Variants in SEC24B observed in about 807,000 individuals in gnomAD.
SEC24B encodes the protein protein transport protein Sec24B.
In SEC24B, 45 loss-of-function variants were observed where a neutral mutation model predicts 142.8. The ratio of observed to expected loss-of-function variants is 0.32; its 90% confidence interval spans 0.25 to 0.40. SEC24B has a LOEUF of 0.40. Ranked by LOEUF, SEC24B falls within the 10% of genes least tolerant of loss-of-function variation. The pLI is 1.00. For synonymous variants in SEC24B, 574 were observed against 568.2 expected (o/e 1.01, Z -0.15); for missense variants, 1,409 against 1,526.8 (o/e 0.92, Z 1.29).
rs773857997 is a variant in SEC24B, at chr4:109,481,721, C to G, written c.1105C>G (p.Pro369Ala). The change falls in exon 4 of 24, where the codon CCA (proline) becomes GCA (alanine). Residue 369 changes from proline to alanine, a missense_variant. By Grantham distance (27) the Pro-to-Ala change is conservative. Around this residue, in one of 2 missense-constraint regions of SEC24B, gnomAD observed 709 missense variants for 673.5 expected, o/e 1.05. Transcript: ENST00000265175. Reference sequence around the variant, plus strand: ...TGTTAATAACCAAGCTAGCTCCGCACCAACTCCCTTGTCATCAACTTCCGA... The same window carrying G: ...TGTTAATAACCAAGCTAGCTCCGCAGCAACTCCCTTGTCATCAACTTCCGA... ...EYVNNQASSA[P>A]TPLSSTSDDE... The G allele has an allele frequency of 1.2e-6, 2 of 1,613,682 alleles. No individual in the cohort carries two copies. The highest frequency in any genetic ancestry group is 1.1e-5 in the South Asian group (1 of 91,052).
chr4:109,474,815 AC>A (rs541033902), intron 3 of SEC24B, among the ~76,000 whole-genome samples: 219 of 152,256 alleles, frequency 1.4e-3, no homozygotes, highest in African/African-American at 5.1e-3. Context: ...TGCCCACTAA[AC>A]AATTGCAATT....
intron 1 of SEC24B, among the ~76,000 whole-genome samples, chr4:109,462,063 G>A (rs1731315208): frequency 6.6e-6 from 1 of 152,258 alleles, no homozygotes; most frequent in East Asian, 1.9e-4. Context: ...GGTCACCATG[G>A]TGCACGCCTG....
intron 4 of SEC24B, among the ~76,000 whole-genome samples, chr4:109,486,446 A>G (rs547194130): frequency 2.0e-5 from 3 of 152,012 alleles, no homozygotes; most frequent in Non-Finnish European, 4.4e-5. Context: ...GCTTTCTGAT[A>G]CTCTTCTCTA....
intron 2 of SEC24B, 152 bp downstream of exon 2, chr4:109,463,796 A>G: frequency 7.9e-7 from 1 of 1,273,262 alleles, no homozygotes; most frequent in Non-Finnish European, 1.1e-6. Flanking sequence ...ACCTCTTTGA[A>G]CCCTTTCTTC....
intron 19 of SEC24B, 87 bp from the exon 20 acceptor site, chr4:109,531,298 T>C: frequency 8.7e-7 from 1 of 1,143,398 alleles, no homozygotes; most frequent in East Asian, 2.4e-5. Flanking sequence ...GGCCATGCTT[T>C]TTCCATGATT....
chr4:109,482,959 T>TACACAC (rs1486200185), intron 4 of SEC24B, among the ~76,000 whole-genome samples: 1 of 53,356 alleles, frequency 1.9e-5, no homozygotes, highest in Admixed American at 1.6e-4. Flanking sequence ...TATATATATA[T>TACACAC]ATATATATAT....
intron 3 of SEC24B, among the ~76,000 whole-genome samples, chr4:109,473,944 A>T (rs1732800974): frequency 6.6e-6 from 1 of 152,182 alleles, no homozygotes; most frequent in Admixed American, 6.5e-5. Context: ...GACTGTACTC[A>T]CTATGTAATG....
At chr4:109,489,761 C>T (rs1012405255) in intron 4 of SEC24B, among the ~76,000 whole-genome samples, 2 of 150,774 alleles carry the variant, frequency 1.3e-5, no homozygotes, top group Non-Finnish European at 3.0e-5. Flanking sequence ...CACATTGTAG[C>T]GTGTATCCAT....
At chr4:109,443,448 C>G (rs1447936773) in intron 1 of SEC24B, among the ~76,000 whole-genome samples, 1 of 152,122 alleles carries the variant, frequency 6.6e-6, no homozygotes, top group Non-Finnish European at 1.5e-5. Context: ...CACTGTGTTG[C>G]CTGGGATGGT....
intron 2 of SEC24B, among the ~76,000 whole-genome samples, chr4:109,467,899 T>C (rs1732121086): frequency 6.6e-6 from 1 of 152,160 alleles, no homozygotes; most frequent in South Asian, 2.1e-4. Flanking sequence ...GTAAAAATAA[T>C]AAGTGTTTAT....
intron 1 of SEC24B, among the ~76,000 whole-genome samples, chr4:109,455,255 CT>C (rs1445581204): frequency 3.7e-4 from 54 of 145,420 alleles, no homozygotes; most frequent in Admixed American, 4.8e-4. Flanking sequence ...ATTTAGGATT[CT>C]TTTTTTTTTT....
intron 22 of SEC24B, among the ~76,000 whole-genome samples, chr4:109,536,821 G>A (rs1316318508): frequency 1.3e-5 from 2 of 151,782 alleles, no homozygotes; most frequent in Non-Finnish European, 2.9e-5. Flanking sequence ...GAGCCACTGC[G>A]CCTGGCCAAA....
intron 6 of SEC24B, among the ~76,000 whole-genome samples, chr4:109,498,063 T>A (rs1303098707): frequency 6.6e-6 from 1 of 152,204 alleles, no homozygotes. Flanking sequence ...GTTCTAAGAA[T>A]GCAAAAGACC....
chr4:109,460,948 C>CG (rs201751389), intron 1 of SEC24B, among the ~76,000 whole-genome samples: 2,499 of 151,914 alleles, frequency 0.016, 49 homozygotes, highest in Non-Finnish European at 0.029. Flanking sequence ...ATTTAAAAAT[C>CG]TGTCAAGCAT....
At chr4:109,524,280 G>A (rs1723979171) in intron 14 of SEC24B, among the ~76,000 whole-genome samples, 1 of 152,040 alleles carries the variant, frequency 6.6e-6, no homozygotes, top group Non-Finnish European at 1.5e-5. Context: ...ATCATACAGT[G>A]TAATTAAGAG....
intron 14 of SEC24B, among the ~76,000 whole-genome samples, chr4:109,522,724 A>C (rs1192842569): frequency 2.0e-5 from 3 of 152,226 alleles, no homozygotes; most frequent in Non-Finnish European, 4.4e-5. Context: ...ACAAACATAC[A>C]AATAAGCATA....
chr4:109,472,518 A>G (rs1168748712), intron 2 of SEC24B, among the ~76,000 whole-genome samples: 1 of 152,202 alleles, frequency 6.6e-6, no homozygotes, highest in Non-Finnish European at 1.5e-5. Context: ...TTTACAGTGC[A>G]AAATGAGATC....
chr4:109,442,513 A>G (rs772370482), intron 1 of SEC24B, among the ~76,000 whole-genome samples: 1 of 152,200 alleles, frequency 6.6e-6, no homozygotes, highest in Non-Finnish European at 1.5e-5. Context: ...CAAAGTTAGT[A>G]TGAATTTATC....
Position 109,506,489 on chromosome 4 carries a change from C to A in SEC24B, c.1650C>A (p.Leu550=). 6.3e-7 allele frequency: 1 copy of A among 1,575,484 alleles called. No homozygotes were observed. The part of the protein sequence containing the change: ...WAPVPNLNAD[L]KKLNCSPDSF... ...CTGTACCTAACTTGAATGCAGACCT[C>A]AAAAAATTAAACTGTAGCCCAGAGT... Residue 550 remains leucine (L), a synonymous_variant, in exon 7 of 24, where the codon CTC becomes CTA. Coordinates refer to ENST00000265175, the MANE Select transcript of SEC24B (RefSeq NM_006323.5).
Sources: allele counts gnomAD v4.1 joint callset (sites outside exome capture counted in the v4.1 genomes callset), GRCh38; gene constraint gnomAD v4.1.1; regional missense constraint gnomAD v4.1.1; transcripts MANE v1.5; gene names NCBI Gene and HGNC (gene_info 2026-07-23, HGNC 2026-07-21).